The following NPAS3 variants were observed in gnomAD, a reference collection of about 807,000 sequenced individuals.
The protein encoded by NPAS3 is neuronal PAS domain protein 3, also known as neuronal PAS domain-containing protein 3.
A neutral mutation model predicts 73.1 loss-of-function variants in NPAS3; 14 were observed. That is an observed-to-expected ratio of 0.19 (90% CI 0.13 to 0.30). The LOEUF is 0.30. NPAS3 is among the 10% of genes least tolerant of loss of function. The pLI is 1.00. For missense variants in NPAS3, 1,096 were observed against 1,250.0 expected, an observed-to-expected ratio of 0.88 and a Z score of 1.86; for synonymous variants, 620 against 541.5, an observed-to-expected ratio of 1.14 and a Z score of -2.01.
At chr14:32,997,750 C>T (rs1446642795) in intron 1 of NPAS3, among the ~76,000 whole-genome samples, 11 of 148,342 alleles carry the variant, frequency 7.4e-5, no homozygotes, top group Admixed American at 7.4e-4. Context: ...CGGTGAAACC[C>T]CGTCTCTACT....
rs144505116 is a variant in NPAS3 at position 33,287,796 on chromosome 14, G to A, written c.385+72370G>A. ...TGAGACCAAATACAAACTAGAGCAGGGTGAAAGAACTAGTTAAGGTTGAAA... is the reference window on the plus strand; with the variant it reads ...TGAGACCAAATACAAACTAGAGCAGAGTGAAAGAACTAGTTAAGGTTGAAA... On this transcript the variant is annotated intron_variant, in intron 3 of 11. Transcript: ENST00000356141. Among the ~76,000 whole-genome samples, 892 of 152,174 alleles carry A rather than the reference G, an allele frequency of 5.9e-3. 2 individuals carry two copies. Among genetic ancestry groups the A allele is most frequent in the Admixed American group, 9.6e-3 (146 of 15,278 alleles).
intron 2 of NPAS3, chr14:33,213,816 C>G (rs2047122918): frequency 6.6e-6 from 1 of 152,154 alleles, no homozygotes; most frequent in Admixed American, 6.6e-5. Context: ...TAGCAAGTAT[C>G]TGACCAGAGC....
At chr14:33,660,600 T>C (rs972406793) in intron 5 of NPAS3, among the ~76,000 whole-genome samples, 2 of 152,238 alleles carry the variant, frequency 1.3e-5, no homozygotes, top group Non-Finnish European at 2.9e-5. Flanking sequence ...TCTGTCCCGC[T>C]AGATGCAGTC....
chr14:33,190,712 T>G (rs1880819321), intron 2 of NPAS3, among the ~76,000 whole-genome samples: 1 of 152,206 alleles, frequency 6.6e-6, no homozygotes, highest in South Asian at 2.1e-4. Context: ...ATGTCTCTGC[T>G]GCATGTGGAG....
At chr14:33,198,308 C>T (rs1175567404) in intron 2 of NPAS3, among the ~76,000 whole-genome samples, 1 of 152,198 alleles carries the variant, frequency 6.6e-6, no homozygotes, top group Non-Finnish European at 1.5e-5. Context: ...TTATCTGGCC[C>T]CACCCACATC....
chr14:33,197,801 A>G (rs965270597), intron 2 of NPAS3, among the ~76,000 whole-genome samples: 2 of 152,162 alleles, frequency 1.3e-5, no homozygotes, highest in African/African-American at 4.8e-5. Flanking sequence ...GTAATCTCTT[A>G]TGTGTTCTCT....
At chr14:33,631,939 A>C (rs992461643) in intron 5 of NPAS3, among the ~76,000 whole-genome samples, 19 of 152,210 alleles carry the variant, frequency 1.2e-4, no homozygotes, top group African/African-American at 4.6e-4. Flanking sequence ...TTGCATGAAA[A>C]AGGTCTCTTT....
At chr14:33,514,306 C>T (rs1050534981) in intron 4 of NPAS3, among the ~76,000 whole-genome samples, 1 of 151,958 alleles carries the variant, frequency 6.6e-6, no homozygotes, top group Non-Finnish European at 1.5e-5. Context: ...CTAAATCCAA[C>T]CTCCTATCCC....
chr14:33,068,581 C>T (rs2041362471), intron 2 of NPAS3, among the ~76,000 whole-genome samples: 1 of 152,110 alleles, frequency 6.6e-6, no homozygotes, highest in South Asian at 2.1e-4. Context: ...CACTAAACAG[C>T]AGATGTTAAA....
intron 3 of NPAS3, among the ~76,000 whole-genome samples, chr14:33,299,380 G>A (rs2042432769): frequency 6.6e-6 from 1 of 152,050 alleles, no homozygotes; most frequent in African/African-American, 2.4e-5. Context: ...TCTTCTGCTG[G>A]GGCTGTTAGA....
At chr14:33,272,174 G>C (rs1468361673) in intron 3 of NPAS3, among the ~76,000 whole-genome samples, 1 of 152,066 alleles carries the variant, frequency 6.6e-6, no homozygotes, top group South Asian at 2.1e-4. Flanking sequence ...GCAAATCATG[G>C]CTTGAATTGT....
chr14:33,459,872 T>C lies in NPAS3; in HGVS notation c.468+92604T>C, dbSNP rs377698185. ...AATTATCTGTTATAATAATCCGTTC[T>C]CTTCTCTTTCTGTCATCCTTGCTAG... On this transcript the variant is annotated intron_variant, in intron 4 of 11. Coordinates refer to ENST00000356141, the Ensembl canonical transcript of NPAS3. Among the ~76,000 whole-genome samples, 889 of 120,496 alleles carry C rather than the reference T, an allele frequency of 7.4e-3. 11 individuals carry two copies. The highest frequency in any genetic ancestry group is 0.029 in the African/African-American group (855 of 29,170). 79.1% of individuals were successfully genotyped at this position (120,496 alleles called of 152,430 possible).
At chr14:33,169,883 C>G (rs2045321868) in intron 2 of NPAS3, among the ~76,000 whole-genome samples, 1 of 152,146 alleles carries the variant, frequency 6.6e-6, no homozygotes, top group African/African-American at 2.4e-5. Flanking sequence ...TTGTCGGTAC[C>G]TGATTCTCGA....
At chr14:33,591,867 C>T (rs980534178) in intron 5 of NPAS3, among the ~76,000 whole-genome samples, 75 of 152,160 alleles carry the variant, frequency 4.9e-4, no homozygotes, top group African/African-American at 1.7e-3. Flanking sequence ...AAAGAACAAT[C>T]TGTGGCCCAG....
At chr14:33,176,163 A>G (rs1439577965) in intron 2 of NPAS3, among the ~76,000 whole-genome samples, 1 of 152,230 alleles carries the variant, frequency 6.6e-6, no homozygotes, top group East Asian at 1.9e-4. Flanking sequence ...ATTATGCCAG[A>G]GAACAACCAA....
chr14:33,799,848 A>G, exon 12 of NPAS3: 1 of 1,613,998 alleles, frequency 6.2e-7, no homozygotes, highest in Non-Finnish European at 8.5e-7. Context: ...ATGAACTGCA[A>G]CGACGACGGC....
At chr14:33,265,702 T>G (rs1327429795) in intron 3 of NPAS3, among the ~76,000 whole-genome samples, 2 of 152,142 alleles carry the variant, frequency 1.3e-5, no homozygotes, top group African/African-American at 4.8e-5. Context: ...CCAGCATGCA[T>G]AAGTCAGCAA....
intron 4 of NPAS3, among the ~76,000 whole-genome samples, chr14:33,471,955 A>G (rs2050803481): frequency 6.6e-6 from 1 of 152,228 alleles, no homozygotes; most frequent in Non-Finnish European, 1.5e-5. Flanking sequence ...TCTATTGTGA[A>G]CTACACATGT....
At chr14:33,112,491 T>G (rs1438472908) in intron 2 of NPAS3, among the ~76,000 whole-genome samples, 2 of 152,230 alleles carry the variant, frequency 1.3e-5, no homozygotes, top group Non-Finnish European at 2.9e-5. Context: ...TCTGTGCATA[T>G]CCTTCGCCCA....
Sources: allele counts gnomAD v4.1 joint callset (sites outside exome capture counted in the v4.1 genomes callset), GRCh38; gene constraint gnomAD v4.1.1; transcripts MANE v1.5; gene names NCBI Gene and HGNC (gene_info 2026-07-23, HGNC 2026-07-21).